AGBL3: variants seen among roughly 807,000 people sequenced by gnomAD.
The protein encoded by AGBL3 is cytosolic carboxypeptidase 3.
In AGBL3, 68 loss-of-function variants were observed where a neutral mutation model predicts 94.5. The ratio of observed to expected loss-of-function variants is 0.72; its 90% CI spans 0.59 to 0.88. The LOEUF (loss-of-function observed/expected upper bound fraction) is 0.88. AGBL3 is among the 40% of genes least tolerant of loss of function. The pLI, the probability that AGBL3 is intolerant of heterozygous loss-of-function variation, is 0.00. For synonymous variants in AGBL3, 354 were observed against 370.7 expected (o/e 0.95, Z 0.52); for missense variants, 934 against 1,103.8 (o/e 0.85, Z 2.18).
rs767828932 is a variant in AGBL3, at chr7:135,076,380, T to TATGAA, written c.1909-13_1909-12insAATGA. 176 of 1,488,026 alleles carry TATGAA rather than the reference T, an allele frequency of 1.2e-4. 1 individual carries two copies. In the South Asian group the frequency reaches 2.1e-3, roughly 18 times the overall value. The allele number at this position is 1,488,026 out of a possible 1,614,324, so 92.2% of individuals were successfully genotyped here. On this transcript the variant is annotated splice_polypyrimidine_tract_variant and intron_variant, in intron 12 of 16. Transcript: ENST00000436302. ...ATGTTGATTAAATATTGATTTTAAGTATGATTCTTTTACTAGAAAAAACAT... is the reference window on the plus strand; with the variant it reads ...ATGTTGATTAAATATTGATTTTAAGTATGAAATGATTCTTTTACTAGAAAAAACAT...
intron 16 of AGBL3, among the ~76,000 whole-genome samples, chr7:135,130,069 A>G (rs1254903471): frequency 1.3e-5 from 2 of 152,046 alleles, no homozygotes; most frequent in Admixed American, 6.5e-5. Context: ...TCCCTCTAAG[A>G]CATTCTGTTG....
At chr7:135,032,577 C>G (rs1815877595) in intron 5 of AGBL3, among the ~76,000 whole-genome samples, 1 of 151,852 alleles carries the variant, frequency 6.6e-6, no homozygotes, top group Non-Finnish European at 1.5e-5. Context: ...CTCGGCTTCC[C>G]AAAGTGTTAG....
chr7:135,084,098 T>A (rs979742909), intron 15 of AGBL3, among the ~76,000 whole-genome samples: 2 of 152,098 alleles, frequency 1.3e-5, no homozygotes, highest in Admixed American at 1.3e-4. Context: ...AATTTTTTCC[T>A]TTATTATTTT....
At chr7:135,030,175 A>C (rs904383523) in intron 5 of AGBL3, among the ~76,000 whole-genome samples, 6 of 150,896 alleles carry the variant, frequency 4.0e-5, no homozygotes, top group Non-Finnish European at 7.4e-5. Context: ...AAAAAAAAAA[A>C]AGAAAGAAAA....
At chr7:135,084,347 C>T (rs1821163405) in intron 15 of AGBL3, among the ~76,000 whole-genome samples, 1 of 152,070 alleles carries the variant, frequency 6.6e-6, no homozygotes, top group African/African-American at 2.4e-5. Context: ...GTGTTTGGTA[C>T]ATTCAAAATC....
intron 3 of AGBL3, 43 bp downstream of exon 3, chr7:134,989,353 G>A (rs1809919646): frequency 2.2e-6 from 3 of 1,337,930 alleles, no homozygotes; most frequent in Non-Finnish European, 3.1e-6. Context: ...ATAAAACTTT[G>A]AATGGATAAA....
intron 15 of AGBL3, among the ~76,000 whole-genome samples, chr7:135,091,443 T>A (rs1821842787): frequency 6.6e-6 from 1 of 152,196 alleles, no homozygotes; most frequent in African/African-American, 2.4e-5. Flanking sequence ...GAATACAGTA[T>A]TTTTTATCAT....
chr7:134,997,304 CACAGGCCATAGACCAGT>C (rs1811131141), intron 4 of AGBL3, among the ~76,000 whole-genome samples: 1 of 152,178 alleles, frequency 6.6e-6, no homozygotes, highest in African/African-American at 2.4e-5. Context: ...CCTGGTTCCT[CACAGGCCATAGACCAGT>C]ACTGGTCCAT....
intron 15 of AGBL3, among the ~76,000 whole-genome samples, chr7:135,100,888 T>G (rs759774717): frequency 6.6e-6 from 1 of 152,190 alleles, no homozygotes; most frequent in Non-Finnish European, 1.5e-5. Context: ...CTGATTCCCC[T>G]TATGTAACAT....
intron 1 of AGBL3, 38 bp from the exon 2 acceptor site, chr7:134,987,837 A>C: frequency 3.5e-6 from 3 of 866,464 alleles, no homozygotes; most frequent in Non-Finnish European, 5.5e-6. Flanking sequence ...GTAAACACCT[A>C]CAGCTTGAAA....
In AGBL3 at chr7:135,005,441, T is replaced by C. The variant is rs1812265437; in HGVS notation, c.311-11611T>C. Among the ~76,000 whole-genome samples, 5 of 151,806 alleles carry C rather than the reference T, an allele frequency of 3.3e-5. No individual in the cohort carries two copies. In the South Asian group the frequency reaches 1.0e-3, roughly 31 times the overall value. On this transcript the variant is annotated intron_variant, in intron 4 of 16. Transcript: ENST00000436302. ...CTTGCATTCTTAAAACTACACAATG[T>C]TGATGAAGTAAATAAAAGAAGATCT...
chr7:135,082,319 A>G (rs1233750825), intron 15 of AGBL3, among the ~76,000 whole-genome samples: 1 of 152,136 alleles, frequency 6.6e-6, no homozygotes, highest in African/African-American at 2.4e-5. Context: ...AAATAATGCA[A>G]TTGTAATACC....
intron 15 of AGBL3, among the ~76,000 whole-genome samples, chr7:135,086,728 T>C (rs1369711748): frequency 6.6e-6 from 1 of 151,988 alleles, no homozygotes; most frequent in Non-Finnish European, 1.5e-5. Context: ...CTGCTGGGTT[T>C]AGGAGATTTG....
At position 135,135,396 on chromosome 7, in the gene AGBL3, AT is replaced by A; in HGVS notation, c.*139del. 1 of 611,916 alleles carries A rather than the reference AT, an allele frequency of 1.6e-6. No individual in the cohort carries two copies. The highest frequency in any genetic ancestry group is 2.5e-6 in the Non-Finnish European group (1 of 407,784). The allele number at this position is 611,916 out of a possible 1,614,324, so 37.9% of individuals were successfully genotyped here. Reference sequence around the variant, plus strand: ...ACACATGCATATGCATAAACTAAAAATTTTAGATATCCCATCTTCTGTAGTG... The same window carrying A: ...ACACATGCATATGCATAAACTAAAAATTTAGATATCCCATCTTCTGTAGTG... On this transcript the variant is annotated 3_prime_UTR_variant, in exon 17 of 17. Coordinates refer to ENST00000436302, the MANE Select transcript of AGBL3 (RefSeq NM_178563.4).
intron 15 of AGBL3, among the ~76,000 whole-genome samples, chr7:135,100,652 T>C (rs916334429): frequency 6.6e-6 from 1 of 152,242 alleles, no homozygotes; most frequent in African/African-American, 2.4e-5. Context: ...GAGACCAACA[T>C]GTAAAGCATC....
chr7:135,042,486 G>A (rs1169440850), intron 8 of AGBL3, among the ~76,000 whole-genome samples: 1 of 152,164 alleles, frequency 6.6e-6, no homozygotes, highest in Non-Finnish European at 1.5e-5. Flanking sequence ...TAGTGACAGA[G>A]AGCAAATCAA....
At chr7:135,081,604 A>T (rs994151055) in intron 14 of AGBL3, 115 bp from the exon 15 acceptor site, 2 of 589,518 alleles carry the variant, frequency 3.4e-6, no homozygotes, top group Admixed American at 3.0e-5. Flanking sequence ...ATTGAACTAA[A>T]CTACTGTCTA....
intron 5 of AGBL3, among the ~76,000 whole-genome samples, chr7:135,024,833 T>G (rs1814914534): frequency 1.3e-5 from 2 of 151,838 alleles, no homozygotes; most frequent in African/African-American, 4.8e-5. Flanking sequence ...ACTACAAGAA[T>G]TACATAATAC....
chr7:135,128,012 T>C (rs1828130159), intron 16 of AGBL3, among the ~76,000 whole-genome samples: 1 of 151,802 alleles, frequency 6.6e-6, no homozygotes, highest in South Asian at 2.1e-4. Flanking sequence ...GAATGGGATC[T>C]GCCAGGCACG....
Sources: allele counts gnomAD v4.1 joint callset (sites outside exome capture counted in the v4.1 genomes callset), GRCh38; gene constraint gnomAD v4.1.1; transcripts MANE v1.5; gene names NCBI Gene and HGNC (gene_info 2026-07-23, HGNC 2026-07-21).